Variants in SATB1 observed in about 807,000 individuals in gnomAD.
The protein encoded by SATB1 is SATB homeobox 1, also known as DNA-binding protein SATB1.
In SATB1, 11 loss-of-function variants were observed where a neutral mutation model predicts 86.9. The ratio of observed to expected loss-of-function variants is 0.13; its 90% CI spans 0.08 to 0.21. The LOEUF is 0.21. Among genes scored for constraint, SATB1 ranks in the 10% least tolerant of loss-of-function variants. The pLI is 1.00. For synonymous variants in SATB1, 357 were observed against 357.2 expected, an observed-to-expected ratio of 1.00 and a Z score of 0.01; for missense variants, 551 against 937.6, an observed-to-expected ratio of 0.59 and a Z score of 5.39.
At position 18,394,986 on chromosome 3, in the gene SATB1, T is replaced by TAAA; in HGVS notation, c.752-71_752-70insTTT. On this transcript the variant is annotated intron_variant, in intron 6 of 10. Coordinates refer to ENST00000338745, the MANE Select transcript of SATB1 (RefSeq NM_002971.6). This position sits in a 1 kb window ranked among gnomAD's most constrained non-coding sequence, Gnocchi z 5.9. ...GGCATTGATAAAGATTTCTAACCAT[T>TAAA]TCCTAAATTAAAAAAGGGTAGGCAC... 7.9e-7 allele frequency: 1 copy of TAAA among 1,272,334 alleles called. No homozygotes were observed. The highest frequency in any genetic ancestry group is 1.1e-6 in the Non-Finnish European group (1 of 942,290). The allele number at this position is 1,272,334 out of a possible 1,614,324, so 78.8% of individuals were successfully genotyped here.
chr3:18,427,705 AG>A (rs1302793796), upstream of SATB1, among the ~76,000 whole-genome samples: 1 of 152,202 alleles, frequency 6.6e-6, no homozygotes, highest in African/African-American at 2.4e-5. Flanking sequence ...CTTTTATCTG[AG>A]TCACAAATCT....
chr3:18,403,801 C>T (rs920244202), intron 5 of SATB1, among the ~76,000 whole-genome samples: 1 of 152,008 alleles, frequency 6.6e-6, no homozygotes, highest in Admixed American at 6.6e-5. Context: ...TTGTAGTTTT[C>T]AATAAAATGA....
chr3:18,356,317 G>A (rs1694634588), intron 9 of SATB1, among the ~76,000 whole-genome samples: 1 of 150,686 alleles, frequency 6.6e-6, no homozygotes, highest in Non-Finnish European at 1.5e-5. Context: ...GCTACCGTAA[G>A]CAAGAAAATG....
chr3:18,352,263 T>A lies in SATB1; in HGVS notation c.1576-68A>T. On this transcript the variant is annotated intron_variant, in intron 9 of 10. Coordinates refer to ENST00000338745, the MANE Select transcript of SATB1 (RefSeq NM_002971.6). The surrounding 1 kb of genome is among the most constrained non-coding windows in gnomAD (Gnocchi z 4.1). ...GGGGCTGGCATTTTCCATTAGGAGCTAAAAAGGAAAAACCCTATGAATTAA... is the reference window on the plus strand; with the variant it reads ...GGGGCTGGCATTTTCCATTAGGAGCAAAAAAGGAAAAACCCTATGAATTAA... 2 of 1,388,464 alleles carry A rather than the reference T, an allele frequency of 1.4e-6. No homozygotes were observed. Among genetic ancestry groups the A allele is most frequent in the Admixed American group, 1.8e-5 (1 of 54,202 alleles). 86.0% of individuals were successfully genotyped at this position (1,388,464 alleles called of 1,614,324 possible). A position where few individuals can be genotyped will look rare whatever the true frequency, so the allele number is the denominator to read the frequency against.
At chr3:18,442,002 T>C (rs1306469456), upstream of SATB1, among the ~76,000 whole-genome samples, 1 of 152,146 alleles carries the variant, frequency 6.6e-6, no homozygotes, top group East Asian at 1.9e-4. Flanking sequence ...AAAGAATATA[T>C]TAATTTCTTA....
chr3:18,435,532 C>T (rs1004254690), intron 2 of SATB1, among the ~76,000 whole-genome samples: 7 of 152,100 alleles, frequency 4.6e-5, no homozygotes, highest in African/African-American at 1.7e-4. Flanking sequence ...ACTGATGTAG[C>T]CTCCCCAAAG....
chr3:18,409,645 A>C (rs1307087580), intron 5 of SATB1: 1 of 152,090 alleles, frequency 6.6e-6, no homozygotes, highest in African/African-American at 2.4e-5. Flanking sequence ...GGCAAAGCAG[A>C]TATTTATAAT....
chr3:18,417,017 G>A lies in SATB1; in HGVS notation c.273C>T (p.Cys91=), dbSNP rs777511572. 1 of 1,613,574 alleles carries A rather than the reference G, an allele frequency of 6.2e-7. No homozygotes were observed. The highest frequency in any genetic ancestry group is 1.1e-5 in the South Asian group (1 of 91,044). ...GCACAAATTCTGCATGCTCCTCCTT[G>A]CAATCATATTCAATGGCGTTTTCAT... ...EHYENAIEYD[C]KEEHAEFVLV... The change falls in exon 3 of 11, where the codon TGC becomes TGT. Residue 91 remains cysteine, a synonymous_variant. Transcript: ENST00000338745.
At position 18,352,570 on chromosome 3, in the gene SATB1, CTA is replaced by C. The variant is rs1694421728; in HGVS notation, c.1576-377_1576-376del. 1 of 204,912 alleles carries C rather than the reference CTA, an allele frequency of 4.9e-6. No individual in the cohort carries two copies. Among genetic ancestry groups the C allele is most frequent in the African/African-American group, 2.3e-5 (1 of 43,486 alleles). The allele number at this position is 204,912 out of a possible 1,614,324, so 12.7% of individuals were successfully genotyped here. ...TGGCCATCTGAGGATACGGAAGTGCCTAAGAGGCAGGACAGATTTTAGAAATA... is the reference window on the plus strand; with the variant it reads ...TGGCCATCTGAGGATACGGAAGTGCCAGAGGCAGGACAGATTTTAGAAATA... On this transcript the variant is annotated intron_variant, in intron 9 of 10. Transcript: ENST00000338745. This position sits in a 1 kb window ranked among gnomAD's most constrained non-coding sequence, Gnocchi z 4.1.
At chr3:18,351,915 G>A in intron 10 of SATB1, 77 bp downstream of exon 10, 1 of 1,402,960 alleles carries the variant, frequency 7.1e-7, no homozygotes, top group Non-Finnish European at 1.0e-6. Flanking sequence ...GCAGGAGGAA[G>A]AGAAACGCTA....
At chr3:18,414,932 T>C (rs983083907) in intron 5 of SATB1, 179 bp downstream of exon 5, 30 of 611,510 alleles carry the variant, frequency 4.9e-5, no homozygotes, top group South Asian at 9.0e-5. Context: ...AAAAAGCCTA[T>C]AGGCTCTGTT....
Position 18,404,758 on chromosome 3 carries a change from A to T in SATB1, c.640-7468T>A, listed in dbSNP as rs537563134. 2.0e-5 allele frequency among the ~76,000 whole-genome samples: 3 copies of T among 152,012 alleles called. No individual in the cohort carries two copies. The South Asian group carries it at 6.2e-4, about 31-fold the overall frequency. On this transcript the variant is annotated intron_variant, in intron 5 of 10. Transcript: ENST00000338745. ...GATTCTCTATTCTGCCCTTTTGTAT[A>T]AGTACCTAGCCAGACCTTTCTTATC...
chr3:18,395,070 G>A (rs1411338726), intron 6 of SATB1, among the ~76,000 whole-genome samples, 154 bp from the exon 7 acceptor site: 1 of 152,178 alleles, frequency 6.6e-6, no homozygotes, highest in Non-Finnish European at 1.5e-5. Context: ...TTACCAGGCT[G>A]TGTTTTTGCT....
chr3:18,433,777 G>T (rs960546830), intron 2 of SATB1, among the ~76,000 whole-genome samples: 1 of 152,018 alleles, frequency 6.6e-6, no homozygotes, highest in Non-Finnish European at 1.5e-5. Context: ...TACCTATCTT[G>T]TAGGTGCCTT....
chr3:18,411,028 G>T (rs751004849), intron 5 of SATB1: 3 of 394,858 alleles, frequency 7.6e-6, no homozygotes, highest in African/African-American at 2.1e-5. Flanking sequence ...TAAATAAATT[G>T]TCCAACATAT....
At chr3:18,362,461 G>A (rs185542970) in intron 9 of SATB1, among the ~76,000 whole-genome samples, 134 of 152,024 alleles carry the variant, frequency 8.8e-4, no homozygotes, top group African/African-American at 3.1e-3. Context: ...CTATTTAGTG[G>A]TAAAATACTG....
Position 18,394,369 on chromosome 3 carries a change from T to C in SATB1, c.1206+93A>G, listed in dbSNP as rs1474715130. On this transcript the variant is annotated intron_variant, in intron 7 of 10. Coordinates refer to ENST00000338745, the MANE Select transcript of SATB1 (RefSeq NM_002971.6). This position sits in a 1 kb window ranked among gnomAD's most constrained non-coding sequence, Gnocchi z 5.9. ...CATGAAGAGAGAGAGAAAATGTTAG[T>C]ACAGAAGTAAAAGAATAAACTTTAG... 2.8e-6 allele frequency: 3 copies of C among 1,055,076 alleles called. No individual in the cohort carries two copies. The highest frequency in any genetic ancestry group is 4.3e-6 in the Non-Finnish European group (3 of 699,290). The allele number at this position is 1,055,076 out of a possible 1,614,324, so 65.4% of individuals were successfully genotyped here.
intron 1 of SATB1, among the ~76,000 whole-genome samples, chr3:18,438,083 T>C (rs1699125682): frequency 1.3e-5 from 2 of 152,172 alleles, no homozygotes; most frequent in South Asian, 4.1e-4. Flanking sequence ...ATACACTAGG[T>C]TCTATTTATA....
intron 9 of SATB1, among the ~76,000 whole-genome samples, chr3:18,362,881 A>AAAAAAAAAAAAC (rs373536891): frequency 9.3e-4 from 101 of 108,160 alleles, no homozygotes; most frequent in Non-Finnish European, 1.3e-3. Context: ...AAAAAAAAAA[A>AAAAAAAAAAAAC]CCAAAACCCC....
Sources: gnomAD v4.1 joint callset for allele counts (sites outside exome capture counted in the v4.1 genomes callset) on GRCh38, gnomAD v4.1.1 for gene constraint, Gnocchi (gnomAD v3.1) non-coding constraint, MANE v1.5 for transcripts, NCBI Gene and HGNC (gene_info 2026-07-23, HGNC 2026-07-21) for gene names.